Variants in CADPS observed in about 807,000 individuals in gnomAD.
CADPS encodes the protein calcium-dependent secretion activator 1.
Under a neutral mutation model 167.3 loss-of-function variants are expected in CADPS, and 57 were observed. The ratio of observed to expected loss-of-function variants is 0.34; its 90% confidence interval spans 0.28 to 0.42. The LOEUF is 0.42. Ranked by LOEUF, CADPS falls within the 20% of genes least tolerant of loss-of-function variation. CADPS has a pLI of 1.00. For synonymous variants in CADPS, 676 were observed against 635.3 expected (o/e 1.06, Z -0.96); for missense variants, 1,414 against 1,738.1 (o/e 0.81, Z 3.32).
At chr3:62,630,647 G>T (rs1334148763) in intron 6 of CADPS, among the ~76,000 whole-genome samples, 1 of 152,086 alleles carries the variant, frequency 6.6e-6, no homozygotes, top group Non-Finnish European at 1.5e-5. Context: ...GAGCCACCAT[G>T]CAGTTTCTTT....
intron 6 of CADPS, among the ~76,000 whole-genome samples, chr3:62,629,347 T>C (rs539128145): frequency 3.8e-4 from 58 of 152,314 alleles, no homozygotes; most frequent in African/African-American, 1.3e-3. Flanking sequence ...ATTTGCATTT[T>C]CCTTATAAAT....
At chr3:62,805,315 CA>C (rs1390240094) in intron 1 of CADPS, among the ~76,000 whole-genome samples, 1 of 152,190 alleles carries the variant, frequency 6.6e-6, no homozygotes, top group Non-Finnish European at 1.5e-5. Context: ...AGTTACGCCT[CA>C]AAGGCAACCT....
intron 3 of CADPS, among the ~76,000 whole-genome samples, chr3:62,728,194 C>G (rs1440291467): frequency 6.6e-6 from 1 of 151,664 alleles, no homozygotes; most frequent in Non-Finnish European, 1.5e-5. Flanking sequence ...ACTTTTGCAC[C>G]AATCTAATAA....
intron 26 of CADPS, among the ~76,000 whole-genome samples, chr3:62,447,723 C>T (rs2057433269): frequency 6.6e-6 from 1 of 152,164 alleles, no homozygotes; most frequent in South Asian, 2.1e-4. Context: ...CCTGCAGAGG[C>T]TGGTGGGTAA....
intron 10 of CADPS, among the ~76,000 whole-genome samples, chr3:62,551,564 G>T (rs952615173): frequency 1.3e-5 from 2 of 152,152 alleles, no homozygotes; most frequent in Non-Finnish European, 2.9e-5. Context: ...CTCAAAACCT[G>T]CCAGCAGTTC....
chr3:62,811,847 G>T (rs188439932), intron 1 of CADPS, among the ~76,000 whole-genome samples: 179 of 152,270 alleles, frequency 1.2e-3, no homozygotes, highest in South Asian at 8.9e-3. Context: ...ACAACAAAAA[G>T]GACATTATGT....
At chr3:62,501,949 C>T (rs2065842367) in intron 17 of CADPS, among the ~76,000 whole-genome samples, 1 of 152,172 alleles carries the variant, frequency 6.6e-6, no homozygotes, top group Admixed American at 6.5e-5. Flanking sequence ...TATATACAGA[C>T]AGTATGTTTA....
intron 1 of CADPS, among the ~76,000 whole-genome samples, chr3:62,858,213 A>G (rs1277804244): frequency 2.0e-5 from 3 of 152,164 alleles, no homozygotes; most frequent in African/African-American, 7.2e-5. Flanking sequence ...GTGGCCCATT[A>G]TTGTCATCAG....
At chr3:62,448,767 C>G (rs1272195153) in intron 26 of CADPS, among the ~76,000 whole-genome samples, 4 of 152,076 alleles carry the variant, frequency 2.6e-5, no homozygotes, top group Non-Finnish European at 5.9e-5. Flanking sequence ...GCACCCACCA[C>G]CACACCCAGC....
At chr3:62,867,964 A>G (rs1467862046) in intron 1 of CADPS, among the ~76,000 whole-genome samples, 1 of 152,060 alleles carries the variant, frequency 6.6e-6, no homozygotes, top group Admixed American at 6.5e-5. Flanking sequence ...AAACCCAGGC[A>G]TTCTAATTTC....
chr3:62,859,210 T>C (rs1450186845), intron 1 of CADPS, among the ~76,000 whole-genome samples: 1 of 152,210 alleles, frequency 6.6e-6, no homozygotes, highest in Non-Finnish European at 1.5e-5. Flanking sequence ...ATTCTTACAC[T>C]ATAATTTATT....
At chr3:62,627,615 C>T (rs1169624609) in intron 6 of CADPS, among the ~76,000 whole-genome samples, 2 of 144,638 alleles carry the variant, frequency 1.4e-5, no homozygotes, top group Non-Finnish European at 3.0e-5. Flanking sequence ...TGATGCTTTT[C>T]TTTTAAATTA....
intron 8 of CADPS, among the ~76,000 whole-genome samples, chr3:62,579,556 AG>A (rs989661950): frequency 3.3e-5 from 5 of 152,166 alleles, no homozygotes; most frequent in Non-Finnish European, 7.3e-5. Context: ...GGGCCAGGTA[AG>A]GCTTTCTGAT....
chr3:62,867,635 T>G (rs1276076554), intron 1 of CADPS, among the ~76,000 whole-genome samples: 1 of 152,078 alleles, frequency 6.6e-6, no homozygotes, highest in Non-Finnish European at 1.5e-5. Context: ...AACTCCTCCA[T>G]ACTGTTTCAT....
chr3:62,821,480 T>C (rs984068539), intron 1 of CADPS, among the ~76,000 whole-genome samples: 8 of 152,200 alleles, frequency 5.3e-5, no homozygotes, highest in Admixed American at 5.2e-4. Context: ...TTTCAGCTTT[T>C]GGTAGCTCCA....
At chr3:62,865,956 G>A (rs558547872) in intron 1 of CADPS, among the ~76,000 whole-genome samples, 1 of 152,076 alleles carries the variant, frequency 6.6e-6, no homozygotes, top group Non-Finnish European at 1.5e-5. Flanking sequence ...CAACATTGTG[G>A]CTGATGGTAA....
chr3:62,678,048 A>G (rs2076594639), intron 3 of CADPS, among the ~76,000 whole-genome samples: 1 of 152,068 alleles, frequency 6.6e-6, no homozygotes, highest in Admixed American at 6.6e-5. Context: ...TTGTTCCAGG[A>G]GACAGCTGCA....
chr3:62,843,249 G>T (rs551766508), intron 1 of CADPS, among the ~76,000 whole-genome samples: 2 of 152,188 alleles, frequency 1.3e-5, no homozygotes, highest in East Asian at 1.9e-4. Context: ...TTCAGTGAAG[G>T]TTAATAATAT....
Position 62,679,539 on chromosome 3 carries a change from C to G in CADPS, c.889-17145G>C, listed in dbSNP as rs568914044. On this transcript the variant is annotated intron_variant, in intron 3 of 29. Transcript: ENST00000383710. ...CTCCCACTGATGGGCTCCCAAGTAA[C>G]TCATCCATGTCTCTCATGAGAGCAC... is the stretch of plus-strand genomic sequence containing the variant. 5.3e-5 allele frequency among the ~76,000 whole-genome samples: 8 copies of G among 152,138 alleles called. No homozygotes were observed. The South Asian group carries it at 1.7e-3, about 32-fold the overall frequency.
Sources: gnomAD v4.1 joint callset for allele counts (sites outside exome capture counted in the v4.1 genomes callset) on GRCh38, gnomAD v4.1.1 for gene constraint, MANE v1.5 for transcripts, NCBI Gene and HGNC (gene_info 2026-07-23, HGNC 2026-07-21) for gene names.